Variants in COL24A1 observed in about 807,000 individuals in gnomAD.
The protein encoded by COL24A1 is collagen alpha-1(XXIV) chain.
In COL24A1, 224 loss-of-function variants were observed where a neutral mutation model predicts 253.9. The ratio of observed to expected loss-of-function variants is 0.88; its 90% CI spans 0.79 to 0.99. The LOEUF is 0.99. COL24A1 is among the 50% of genes least tolerant of loss of function. The pLI is 0.00. For synonymous variants in COL24A1, 685 were observed against 673.7 expected, an observed-to-expected ratio of 1.02 and a Z score of -0.26; for missense variants, 2,131 against 2,068.5, an observed-to-expected ratio of 1.03 and a Z score of -0.59.
chr1:85,759,482 C>G lies in COL24A1; in HGVS notation c.4437+1914G>C, dbSNP rs17128220. Among the ~76,000 whole-genome samples, 1,423 of 152,214 alleles carry G rather than the reference C, an allele frequency of 9.3e-3. 56 individuals are homozygous for G. The highest frequency in any genetic ancestry group is 0.062 in the Admixed American group (955 of 15,288). On this transcript the variant is annotated intron_variant, in intron 55 of 59. Transcript: ENST00000370571. ...TCTTATTGTCATTTAGATGTCTGCTCTAGAAATCTTATCCTCAATGTTATT... is the reference window on the plus strand; with the variant it reads ...TCTTATTGTCATTTAGATGTCTGCTGTAGAAATCTTATCCTCAATGTTATT...
intron 10 of COL24A1, among the ~76,000 whole-genome samples, chr1:86,052,706 T>G (rs570940295): frequency 7.0e-4 from 107 of 152,150 alleles, no homozygotes; most frequent in Non-Finnish European, 1.2e-3. Flanking sequence ...GACCACATAC[T>G]TTAAGAGGGT....
At chr1:86,109,468 C>A (rs1705323098) in intron 5 of COL24A1, among the ~76,000 whole-genome samples, 1 of 152,184 alleles carries the variant, frequency 6.6e-6, no homozygotes, top group African/African-American at 2.4e-5. Context: ...GCACTATGAG[C>A]AGGTAGCATG....
intron 19 of COL24A1, among the ~76,000 whole-genome samples, chr1:86,015,086 T>C (rs939375757): frequency 6.6e-6 from 1 of 152,232 alleles, no homozygotes; most frequent in Non-Finnish European, 1.5e-5. Flanking sequence ...TTTAAAATTC[T>C]TGGACCTGCA....
chr1:85,780,427 T>G (rs1003381190), intron 52 of COL24A1, among the ~76,000 whole-genome samples: 8 of 152,304 alleles, frequency 5.3e-5, no homozygotes, highest in African/African-American at 1.7e-4. Flanking sequence ...ATTGGAAAAC[T>G]TTCCCAACAT....
intron 24 of COL24A1, among the ~76,000 whole-genome samples, chr1:85,955,732 T>A (rs1690391814): frequency 6.6e-6 from 1 of 152,224 alleles, no homozygotes; most frequent in Admixed American, 6.5e-5. Context: ...CCAACATGTA[T>A]CAAGCTAATT....
intron 18 of COL24A1, among the ~76,000 whole-genome samples, chr1:86,021,809 GA>G (rs1356765988): frequency 1.3e-5 from 2 of 151,390 alleles, no homozygotes; most frequent in African/African-American, 2.4e-5. Flanking sequence ...CAAGGGTCAG[GA>G]AAAAAAATAA....
At chr1:85,990,140 T>C (rs553211703) in intron 19 of COL24A1, among the ~76,000 whole-genome samples, 27 of 152,342 alleles carry the variant, frequency 1.8e-4, no homozygotes, top group South Asian at 6.2e-4. Context: ...CTTTTCTTTT[T>C]TTTTTGAAAG....
chr1:85,763,000 G>A (rs964878935), intron 53 of COL24A1, among the ~76,000 whole-genome samples: 3 of 152,150 alleles, frequency 2.0e-5, no homozygotes, highest in Non-Finnish European at 4.4e-5. Flanking sequence ...TAACCACATA[G>A]AATAGGGAAA....
At chr1:85,946,945 CAG>C (rs1215219318) in intron 24 of COL24A1, among the ~76,000 whole-genome samples, 1 of 152,098 alleles carries the variant, frequency 6.6e-6, no homozygotes, top group Non-Finnish European at 1.5e-5. Flanking sequence ...GAAAGAAATC[CAG>C]TCAGTGTGTA....
chr1:86,083,216 T>G (rs540022207), intron 7 of COL24A1, among the ~76,000 whole-genome samples: 6 of 151,744 alleles, frequency 4.0e-5, no homozygotes, highest in African/African-American at 1.5e-4. Context: ...GAAAATGGCG[T>G]GAACTCAGAA....
chr1:85,766,860 C>T (rs985083857), intron 53 of COL24A1, among the ~76,000 whole-genome samples: 3 of 152,068 alleles, frequency 2.0e-5, no homozygotes, highest in Non-Finnish European at 4.4e-5. Flanking sequence ...AATCCCAGAA[C>T]TTTGGGAGGC....
chr1:85,935,270 T>C (rs1688165810), intron 24 of COL24A1, among the ~76,000 whole-genome samples: 2 of 148,036 alleles, frequency 1.4e-5, no homozygotes, highest in African/African-American at 4.9e-5. Context: ...CAATAACATT[T>C]AGAGAGTTGG....
chr1:85,746,396 T>A (rs1665219266), intron 55 of COL24A1, among the ~76,000 whole-genome samples: 1 of 152,188 alleles, frequency 6.6e-6, no homozygotes, highest in Admixed American at 6.5e-5. Context: ...AATAATTGAC[T>A]CATTCTGCAT....
chr1:85,916,005 A>G (rs1685862711), intron 24 of COL24A1, among the ~76,000 whole-genome samples: 1 of 152,212 alleles, frequency 6.6e-6, no homozygotes, highest in Admixed American at 6.5e-5. Flanking sequence ...AGAACAATAT[A>G]ACCTACAAAT....
intron 43 of COL24A1, among the ~76,000 whole-genome samples, chr1:85,831,826 C>T (rs1675326406): frequency 6.6e-6 from 1 of 152,002 alleles, no homozygotes; most frequent in Admixed American, 6.6e-5. Flanking sequence ...AGGGCTATGA[C>T]TGGAGACAGG....
At chr1:85,792,269 T>G (rs1447674512) in intron 47 of COL24A1, among the ~76,000 whole-genome samples, 2 of 152,032 alleles carry the variant, frequency 1.3e-5, no homozygotes, top group Non-Finnish European at 2.9e-5. Context: ...CAATAGTTTC[T>G]CCATGTATTC....
chr1:86,027,759 G>C (rs771267931), intron 14 of COL24A1, among the ~76,000 whole-genome samples: 1 of 152,164 alleles, frequency 6.6e-6, no homozygotes, highest in South Asian at 2.1e-4. Flanking sequence ...TGAGAAGAGG[G>C]CCACCATCTT....
intron 45 of COL24A1, among the ~76,000 whole-genome samples, chr1:85,822,432 C>G (rs1486173671): frequency 1.3e-5 from 2 of 152,088 alleles, no homozygotes; most frequent in Admixed American, 1.3e-4. Context: ...AGTCAGAATG[C>G]CTGAAAAACA....
intron 47 of COL24A1, among the ~76,000 whole-genome samples, chr1:85,804,335 G>A (rs1280264570): frequency 6.6e-6 from 1 of 152,142 alleles, no homozygotes; most frequent in Non-Finnish European, 1.5e-5. Context: ...TGGTTATTAT[G>A]TTCAGCAGAA....
Sources: gnomAD v4.1 joint callset for allele counts (sites outside exome capture counted in the v4.1 genomes callset) on GRCh38, gnomAD v4.1.1 for gene constraint, MANE v1.5 for transcripts, NCBI Gene and HGNC (gene_info 2026-07-23, HGNC 2026-07-21) for gene names.